DPP6: variants seen among roughly 807,000 people sequenced by gnomAD.
DPP6 encodes the protein dipeptidyl peptidase like 6, also known as A-type potassium channel modulatory protein DPP6.
Under a neutral mutation model 122.6 loss-of-function variants are expected in DPP6, and 69 were observed. The observed-to-expected ratio is 0.56, with a 90% CI of 0.46 to 0.69. DPP6 has a LOEUF of 0.69. Ranked by LOEUF, DPP6 falls within the 30% of genes least tolerant of loss-of-function variation. The pLI is 0.00. For missense variants in DPP6, 928 were observed against 1,116.9 expected (o/e 0.83, Z 2.41); for synonymous variants, 418 against 433.1 (o/e 0.97, Z 0.43).
intron 16 of DPP6, among the ~76,000 whole-genome samples, chr7:154,841,723 T>A (rs4960556): frequency 0.18 from 26,791 of 151,684 alleles, 2,842 homozygotes; most frequent in African/African-American, 0.3. Context: ...CCTCCCCATC[T>A]TTTGTGAGCG....
intron 7 of DPP6, among the ~76,000 whole-genome samples, chr7:154,717,349 A>G (rs1841543999): frequency 6.6e-6 from 1 of 151,896 alleles, no homozygotes; most frequent in Admixed American, 6.6e-5. Context: ...TGTAACATTG[A>G]CCAGTCTCTC....
At chr7:153,765,682 T>G in the DPP6 span, among the ~76,000 whole-genome samples, 1 of 151,966 alleles carries the variant, frequency 6.6e-6, no homozygotes, top group East Asian at 1.9e-4. Flanking sequence ...CACGGCAGAG[T>G]TGAGGTTTCA....
At chr7:154,143,343 T>C (rs1007499592) in intron 1 of DPP6, among the ~76,000 whole-genome samples, 1 of 152,080 alleles carries the variant, frequency 6.6e-6, no homozygotes, top group Non-Finnish European at 1.5e-5. Flanking sequence ...AAATCATGAA[T>C]TATCATCTGC....
At position 154,760,906 on chromosome 7, in the gene DPP6, C is replaced by T. The variant is rs1375630097; in HGVS notation, c.884-8511C>T. Among the ~76,000 whole-genome samples, 1 of 150,896 alleles carries T rather than the reference C, an allele frequency of 6.6e-6. No individual in the cohort carries two copies. The highest frequency in any genetic ancestry group is 1.5e-5 in the Non-Finnish European group (1 of 67,918). On this transcript the variant is annotated intron_variant, in intron 8 of 25. Coordinates refer to ENST00000377770, the MANE Select transcript of DPP6 (RefSeq NM_130797.4). The surrounding 1 kb of genome is among the most constrained non-coding windows in gnomAD (Gnocchi z 4.5). ...CTTGAGTGCAATGGTGCAATCTCGA[C>T]TCACTGCAACCTCCGCTTCCCTGGT...
At chr7:154,227,231 C>CACACACACACACACACACACACA (rs10525068) in intron 1 of DPP6, among the ~76,000 whole-genome samples, 9 of 150,806 alleles carry the variant, frequency 6.0e-5, no homozygotes, top group East Asian at 2.0e-4. Flanking sequence ...CACACACACA[C>CACACACACACACACACACACACA]CCCTAGGAAT....
chr7:154,446,577 TATTC>T (rs1212591132), intron 2 of DPP6, among the ~76,000 whole-genome samples: 3 of 152,236 alleles, frequency 2.0e-5, no homozygotes, highest in Non-Finnish European at 4.4e-5. Context: ...TACAATCACT[TATTC>T]ATGCTTGATC....
At chr7:153,980,498 G>T (rs1279896955) in intron 1 of DPP6, among the ~76,000 whole-genome samples, 1 of 151,952 alleles carries the variant, frequency 6.6e-6, no homozygotes, top group East Asian at 1.9e-4. Context: ...AAAAAAACCA[G>T]CTCCTGGATT....
chr7:153,944,795 T>C (rs1372988888), intron 1 of DPP6, among the ~76,000 whole-genome samples: 2 of 150,672 alleles, frequency 1.3e-5, no homozygotes, highest in Non-Finnish European at 3.0e-5. Flanking sequence ...CACGCCTGGC[T>C]AATTTTTGTA....
intron 1 of DPP6, among the ~76,000 whole-genome samples, chr7:154,402,715 A>G (rs951999744): frequency 5.3e-5 from 8 of 151,438 alleles, no homozygotes; most frequent in Admixed American, 5.3e-4. Context: ...AACCTGCACA[A>G]TGTGCACATG....
chr7:154,566,771 A>G (rs898048285), intron 4 of DPP6, 71 bp from the exon 5 acceptor site: 17 of 856,800 alleles, frequency 2.0e-5, no homozygotes, highest in Middle Eastern at 2.5e-4. Context: ...ACCAGCAGAT[A>G]CAATTTTATT....
chr7:154,357,215 TA>T (rs985143070), intron 1 of DPP6, among the ~76,000 whole-genome samples: 2 of 150,504 alleles, frequency 1.3e-5, no homozygotes, highest in Admixed American at 1.3e-4. Flanking sequence ...TCTTTGATTT[TA>T]AACCAAACAT....
chr7:154,527,541 A>G (rs10267560), intron 3 of DPP6, among the ~76,000 whole-genome samples: 21,101 of 152,228 alleles, frequency 0.14, 1,800 homozygotes, highest in African/African-American at 0.25. Flanking sequence ...AGATAGAAAT[A>G]AAATAAATAA....
intron 1 of DPP6, among the ~76,000 whole-genome samples, chr7:154,127,597 T>TCACA (rs71182879): frequency 0.014 from 1,846 of 136,624 alleles, 56 homozygotes; most frequent in African/African-American, 0.05. Flanking sequence ...GAGCAGCATC[T>TCACA]CACACACACA....
chr7:154,455,074 G>A (rs894304254), intron 2 of DPP6, among the ~76,000 whole-genome samples: 2 of 152,156 alleles, frequency 1.3e-5, no homozygotes, highest in East Asian at 3.9e-4. Context: ...CCATCTCTCT[G>A]CTGCCATCAG....
chr7:154,458,121 A>G (rs1403242512), intron 2 of DPP6, among the ~76,000 whole-genome samples: 1 of 152,186 alleles, frequency 6.6e-6, no homozygotes, highest in African/African-American at 2.4e-5. Context: ...GACAAAGAAC[A>G]GATGTGATAT....
intron 5 of DPP6, among the ~76,000 whole-genome samples, chr7:154,631,479 G>GT (rs35604941): frequency 0.49 from 75,198 of 151,926 alleles, 19,080 homozygotes; most frequent in African/African-American, 0.62. Context: ...GTGAAGCAGT[G>GT]TAGACTTTGC....
chr7:154,142,821 CTT>C (rs1416162850), intron 1 of DPP6, among the ~76,000 whole-genome samples: 1 of 141,568 alleles, frequency 7.1e-6, no homozygotes, highest in Non-Finnish European at 1.5e-5. Context: ...TACATAAAAA[CTT>C]CAGCGTATGG....
At chr7:154,881,604 G>T (rs1441214646) in intron 21 of DPP6, among the ~76,000 whole-genome samples, 1 of 152,198 alleles carries the variant, frequency 6.6e-6, no homozygotes, top group African/African-American at 2.4e-5. Flanking sequence ...GTGACCCTCA[G>T]CACAGGCCCT....
chr7:154,357,179 A>T (rs998818607), intron 1 of DPP6, among the ~76,000 whole-genome samples: 1 of 152,192 alleles, frequency 6.6e-6, no homozygotes, highest in Non-Finnish European at 1.5e-5. Flanking sequence ...AATGTATCTA[A>T]AATGAAAAAA....
Sources: allele counts gnomAD v4.1 joint callset (sites outside exome capture counted in the v4.1 genomes callset), GRCh38; gene constraint gnomAD v4.1.1; non-coding constraint Gnocchi (gnomAD v3.1); transcripts MANE v1.5; gene names NCBI Gene and HGNC (gene_info 2026-07-23, HGNC 2026-07-21).